The following RBMS3 variants were observed in gnomAD, a reference collection of about 807,000 sequenced individuals.
The protein encoded by RBMS3 is RNA-binding motif, single-stranded-interacting protein 3.
RBMS3 carries 27 observed loss-of-function variants against 66.8 expected under a neutral mutation model. The ratio of observed to expected loss-of-function variants is 0.40; its 90% CI spans 0.30 to 0.56. RBMS3 has a LOEUF of 0.56. Among genes scored for constraint, RBMS3 ranks in the 20% least tolerant of loss-of-function variants. The pLI is 0.40. For synonymous variants in RBMS3, 188 were observed against 183.0 expected, an observed-to-expected ratio of 1.03 and a Z score of -0.22; for missense variants, 513 against 549.5, an observed-to-expected ratio of 0.93 and a Z score of 0.66.
At chr3:29,688,564 A>ATTTTTTTTTTTTTTTT (rs55943638) in intron 4 of RBMS3, among the ~76,000 whole-genome samples, 1 of 67,130 alleles carries the variant, frequency 1.5e-5, no homozygotes, top group African/African-American at 7.7e-5. Context: ...AAGTTACAGG[A>ATTTTTTTTTTTTTTTT]TTTTTTTTTT....
intron 2 of RBMS3, among the ~76,000 whole-genome samples, chr3:29,476,769 C>A (rs1170554043): frequency 6.6e-6 from 1 of 152,052 alleles, no homozygotes; most frequent in Non-Finnish European, 1.5e-5. Flanking sequence ...ATAAAAATCA[C>A]CTTCATGGAA....
intron 8 of RBMS3, among the ~76,000 whole-genome samples, chr3:29,890,697 C>A (rs141056961): frequency 9.9e-4 from 150 of 151,412 alleles, no homozygotes; most frequent in African/African-American, 3.1e-3. Flanking sequence ...AAAACTATTG[C>A]GATTAAACCA....
chr3:29,703,118 A>G (rs1014592336), intron 4 of RBMS3, among the ~76,000 whole-genome samples: 1 of 152,236 alleles, frequency 6.6e-6, no homozygotes, highest in Non-Finnish European at 1.5e-5. Context: ...GTTTATTACA[A>G]TAATTCTCAC....
At chr3:29,789,375 C>T (rs144793375) in intron 6 of RBMS3, among the ~76,000 whole-genome samples, 739 of 151,982 alleles carry the variant, frequency 4.9e-3, no homozygotes, top group Middle Eastern at 0.01. Context: ...TTGAAGCCAT[C>T]TAGAATTTAT....
At chr3:29,347,450 A>G (rs758371294) in intron 1 of RBMS3, among the ~76,000 whole-genome samples, 3 of 152,224 alleles carry the variant, frequency 2.0e-5, no homozygotes, top group Non-Finnish European at 2.9e-5. Context: ...ATTTAATACA[A>G]TGAAATACAC....
Position 29,525,415 on chromosome 3 carries a change from C to T in RBMS3, c.307+36916C>T, listed in dbSNP as rs141158658. Among the ~76,000 whole-genome samples, 1,439 of 152,290 alleles carry T rather than the reference C, an allele frequency of 9.4e-3. 18 individuals are homozygous for T. Among genetic ancestry groups the T allele is most frequent in the Middle Eastern group, 0.037 (11 of 294 alleles). On this transcript the variant is annotated intron_variant, in intron 3 of 14. Coordinates refer to ENST00000383767, the MANE Select transcript of RBMS3 (RefSeq NM_001003793.3). ...GCATTCCTAAACTTGGACCTTTTGTCCACACTCACTTCCTGTTGACCGAGT... is the reference window on the plus strand; with the variant it reads ...GCATTCCTAAACTTGGACCTTTTGTTCACACTCACTTCCTGTTGACCGAGT...
At chr3:29,348,171 G>A (rs1334169408) in intron 1 of RBMS3, among the ~76,000 whole-genome samples, 2 of 152,050 alleles carry the variant, frequency 1.3e-5, no homozygotes, top group Non-Finnish European at 2.9e-5. Flanking sequence ...CTAAGTGTAG[G>A]GTCTCTTTAT....
chr3:29,438,033 T>C (rs2041468879), intron 2 of RBMS3, among the ~76,000 whole-genome samples: 1 of 135,958 alleles, frequency 7.4e-6, no homozygotes, highest in Non-Finnish European at 1.5e-5. Context: ...CTTGTTTCTC[T>C]CTCTCTCTCT....
At chr3:29,692,797 A>T (rs1446866925) in intron 4 of RBMS3, among the ~76,000 whole-genome samples, 1 of 152,224 alleles carries the variant, frequency 6.6e-6, no homozygotes. Context: ...CAAAGCAGGA[A>T]ACATAACCTT....
At chr3:29,519,028 G>T (rs1205653317) in intron 3 of RBMS3, among the ~76,000 whole-genome samples, 1 of 152,098 alleles carries the variant, frequency 6.6e-6, no homozygotes, top group Non-Finnish European at 1.5e-5. Context: ...CGCTTTGAGT[G>T]TATTTTCGTG....
chr3:29,470,087 C>G (rs1290796924), intron 2 of RBMS3, among the ~76,000 whole-genome samples: 1 of 148,718 alleles, frequency 6.7e-6, no homozygotes, highest in Non-Finnish European at 1.5e-5. Context: ...ATTAAATATA[C>G]TGAAATATAA....
At chr3:29,907,963 G>A (rs929452038) in intron 10 of RBMS3, among the ~76,000 whole-genome samples, 2 of 152,024 alleles carry the variant, frequency 1.3e-5, no homozygotes, top group Admixed American at 6.6e-5. Context: ...ATTTGTTAAG[G>A]TTGGCCCGGT....
At chr3:29,385,357 T>C (rs1203652385) in intron 1 of RBMS3, among the ~76,000 whole-genome samples, 1 of 152,086 alleles carries the variant, frequency 6.6e-6, no homozygotes, top group East Asian at 1.9e-4. Flanking sequence ...AACCAATCCC[T>C]TCCCTTGGGC....
chr3:29,700,281 A>C (rs2052497281), intron 4 of RBMS3, among the ~76,000 whole-genome samples: 1 of 152,186 alleles, frequency 6.6e-6, no homozygotes, highest in South Asian at 2.1e-4. Context: ...AGAGAGTAAT[A>C]ATTTATTAGT....
At chr3:29,683,711 G>A (rs769293532) in intron 4 of RBMS3, among the ~76,000 whole-genome samples, 8 of 152,112 alleles carry the variant, frequency 5.3e-5, no homozygotes, top group Non-Finnish European at 7.4e-5. Context: ...GTGCATTTTC[G>A]GAACTTGGGA....
At chr3:29,347,435 T>C in intron 1 of RBMS3, among the ~76,000 whole-genome samples, 1 of 152,342 alleles carries the variant, frequency 6.6e-6, no homozygotes, top group African/African-American at 2.4e-5. Context: ...GGTTTGTTTA[T>C]TTTAATTTAA....
In RBMS3 at chr3:29,945,948, C is replaced by T. The variant is rs373717288; in HGVS notation, c.1098+1694C>T. On this transcript the variant is annotated intron_variant, in intron 12 of 14. Coordinates refer to ENST00000383767, the MANE Select transcript of RBMS3 (RefSeq NM_001003793.3). ...AAGAAGACATAAAAATCACATGGAA[C>T]AGTTAAAAAGATTAGATATGACATA... 1.4e-4 allele frequency among the ~76,000 whole-genome samples: 21 copies of T among 151,712 alleles called. No homozygotes were observed. The East Asian group carries it at 1.9e-3, about 14-fold the overall frequency.
intron 7 of RBMS3, among the ~76,000 whole-genome samples, chr3:29,869,957 C>G (rs1191977143): frequency 6.6e-6 from 1 of 152,184 alleles, no homozygotes; most frequent in East Asian, 1.9e-4. Context: ...AATCCTTTAG[C>G]CTTTTTTCAG....
chr3:29,640,893 T>A (rs565724168), intron 4 of RBMS3, among the ~76,000 whole-genome samples: 9 of 152,104 alleles, frequency 5.9e-5, no homozygotes, highest in African/African-American at 2.2e-4. Context: ...ACAGCTGTGT[T>A]TACCCATCTT....
Sources: gnomAD v4.1 joint callset for allele counts (sites outside exome capture counted in the v4.1 genomes callset) on GRCh38, gnomAD v4.1.1 for gene constraint, MANE v1.5 for transcripts, NCBI Gene and HGNC (gene_info 2026-07-23, HGNC 2026-07-21) for gene names.